The following MARCHF3 variants were observed in gnomAD, a reference collection of about 807,000 sequenced individuals.
MARCHF3 encodes membrane associated ring-CH-type finger 3, also known as E3 ubiquitin-protein ligase MARCHF3.
Under a neutral mutation model 24.2 loss-of-function variants are expected in MARCHF3, and 13 were observed. The ratio of observed to expected loss-of-function variants is 0.54; its 90% CI spans 0.35 to 0.85. The LOEUF is 0.85. MARCHF3 is among the 40% of genes least tolerant of loss of function. The pLI, the probability that MARCHF3 is intolerant of heterozygous loss-of-function variation, is 0.01. For synonymous variants in MARCHF3, 144 were observed against 137.3 expected (o/e 1.05, Z -0.34); for missense variants, 276 against 325.0 (o/e 0.85, Z 1.16).
At chr5:126,962,976 T>C (rs1010730214) in intron 1 of MARCHF3, among the ~76,000 whole-genome samples, 2 of 152,146 alleles carry the variant, frequency 1.3e-5, no homozygotes, top group Admixed American at 6.5e-5. Flanking sequence ...GTTTTCTTTC[T>C]GCCTGTGTAA....
chr5:126,970,832 G>A (rs368850899), intron 1 of MARCHF3, among the ~76,000 whole-genome samples: 5 of 152,126 alleles, frequency 3.3e-5, no homozygotes, highest in African/African-American at 1.2e-4. Context: ...CAAAACCACA[G>A]CTTAAACCTG....
chr5:126,916,736 G>A (rs374899513), intron 2 of MARCHF3, among the ~76,000 whole-genome samples: 3 of 68,452 alleles, frequency 4.4e-5, no homozygotes, highest in South Asian at 5.3e-4. Flanking sequence ...CACACACAGA[G>A]GCTCACAGGT....
At chr5:126,993,217 T>A (rs886352040) in intron 1 of MARCHF3, among the ~76,000 whole-genome samples, 2 of 152,164 alleles carry the variant, frequency 1.3e-5, no homozygotes, top group African/African-American at 4.8e-5. Flanking sequence ...AGCACATAGA[T>A]ACATCCCTCC....
At chr5:126,981,322 G>A (rs1484817633) in intron 1 of MARCHF3, among the ~76,000 whole-genome samples, 2 of 152,140 alleles carry the variant, frequency 1.3e-5, no homozygotes, top group Non-Finnish European at 2.9e-5. Context: ...GCAAAACATC[G>A]AGTAAACTTT....
chr5:126,987,350 G>GA (rs1241719731), intron 1 of MARCHF3, among the ~76,000 whole-genome samples: 3 of 152,098 alleles, frequency 2.0e-5, no homozygotes, highest in African/African-American at 7.2e-5. Flanking sequence ...TCTTACCACA[G>GA]AAAAAAAGAA....
intron 1 of MARCHF3, among the ~76,000 whole-genome samples, chr5:126,970,075 CTTT>C (rs1234179590): frequency 6.6e-6 from 1 of 151,256 alleles, no homozygotes; most frequent in Non-Finnish European, 1.5e-5. Context: ...TTTTCTTCTT[CTTT>C]TTTCTTTTTT....
chr5:126,984,461 T>C (rs1751495339), intron 1 of MARCHF3, among the ~76,000 whole-genome samples: 1 of 152,038 alleles, frequency 6.6e-6, no homozygotes, highest in East Asian at 1.9e-4. Flanking sequence ...TTGAGGTCCA[T>C]AGGGGAACCA....
intron 3 of MARCHF3, among the ~76,000 whole-genome samples, chr5:126,886,475 T>C (rs974633974): frequency 6.6e-6 from 1 of 152,212 alleles, no homozygotes; most frequent in Admixed American, 6.5e-5. Flanking sequence ...TGAAGTTCTT[T>C]AACTCTGTTG....
chr5:127,018,411 A>G (rs1752694967), intron 1 of MARCHF3, among the ~76,000 whole-genome samples: 1 of 152,092 alleles, frequency 6.6e-6, no homozygotes, highest in Non-Finnish European at 1.5e-5. Context: ...AAATAAAAAA[A>G]AGATTATGGC....
intron 3 of MARCHF3, among the ~76,000 whole-genome samples, chr5:126,888,806 C>T (rs1014984103): frequency 6.6e-6 from 1 of 152,238 alleles, no homozygotes; most frequent in East Asian, 1.9e-4. Context: ...GCTCTGTCAC[C>T]CAGGCTGGAG....
At chr5:126,986,043 T>C (rs1332718273) in intron 1 of MARCHF3, among the ~76,000 whole-genome samples, 2 of 152,162 alleles carry the variant, frequency 1.3e-5, no homozygotes, top group East Asian at 3.8e-4. Context: ...TATCTAACAG[T>C]ACTGGGATTT....
chr5:126,940,750 C>CTT (rs77835911), intron 1 of MARCHF3, among the ~76,000 whole-genome samples: 4 of 147,832 alleles, frequency 2.7e-5, no homozygotes, highest in East Asian at 2.0e-4. Flanking sequence ...CCCGGCCTAA[C>CTT]TTTTTTTTTT....
In MARCHF3 at chr5:126,869,722, C is replaced by G. The variant is rs954242013; in HGVS notation, c.*911G>C. ...TGATCCTCCAATTCATTACGAATCC[C>G]GAATTAAGACATGCACTAAATGAGA... On this transcript the variant is annotated 3_prime_UTR_variant, in exon 5 of 5. Coordinates refer to ENST00000308660, the MANE Select transcript of MARCHF3 (RefSeq NM_178450.5). The G allele has an allele frequency of 6.6e-6, 1 of 151,128 alleles. No homozygotes were observed. Among genetic ancestry groups the G allele is most frequent in the African/African-American group, 2.4e-5 (1 of 41,012 alleles). The allele number at this position is 151,128 out of a possible 1,614,324, so 9.4% of individuals were successfully genotyped here.
chr5:126,908,998 T>C (rs1279317484), intron 3 of MARCHF3, among the ~76,000 whole-genome samples: 1 of 152,196 alleles, frequency 6.6e-6, no homozygotes, highest in Admixed American at 6.5e-5. Flanking sequence ...GATGGGTTTT[T>C]GGTGTGGATG....
intron 1 of MARCHF3, among the ~76,000 whole-genome samples, chr5:127,014,035 G>T (rs1045896032): frequency 7.9e-5 from 12 of 152,040 alleles, no homozygotes; most frequent in African/African-American, 2.9e-4. Context: ...GGCAACTAAT[G>T]CAAAAATAAG....
chr5:126,919,263 G>A (rs1749016495), intron 1 of MARCHF3, among the ~76,000 whole-genome samples: 1 of 152,136 alleles, frequency 6.6e-6, no homozygotes, highest in African/African-American at 2.4e-5. Context: ...AAGAAATAGA[G>A]GTTTTTACAG....
chr5:126,955,080 A>G (rs956556296), intron 1 of MARCHF3, among the ~76,000 whole-genome samples: 4 of 152,200 alleles, frequency 2.6e-5, no homozygotes, highest in Admixed American at 1.3e-4. Context: ...AAATCTATCC[A>G]TGTTGATACA....
intron 1 of MARCHF3, among the ~76,000 whole-genome samples, chr5:126,966,058 A>G (rs1750803495): frequency 6.6e-6 from 1 of 152,222 alleles, no homozygotes; most frequent in African/African-American, 2.4e-5. Flanking sequence ...TCTCATAGAT[A>G]TCATGCTGAC....
intron 3 of MARCHF3, among the ~76,000 whole-genome samples, chr5:126,896,109 A>G (rs566804343): frequency 4.7e-4 from 72 of 152,316 alleles, no homozygotes; most frequent in African/African-American, 1.7e-3. Flanking sequence ...TGACTCAGAA[A>G]GGGAACTCCC....
Sources: gnomAD v4.1 joint callset for allele counts (sites outside exome capture counted in the v4.1 genomes callset) on GRCh38, gnomAD v4.1.1 for gene constraint, MANE v1.5 for transcripts, NCBI Gene and HGNC (gene_info 2026-07-23, HGNC 2026-07-21) for gene names.